The following ITGA11 variants were observed in gnomAD, a reference collection of about 807,000 sequenced individuals.
ITGA11 encodes integrin subunit alpha 11, also known as integrin alpha-11.
Under a neutral mutation model 141.9 loss-of-function variants are expected in ITGA11, and 97 were observed. The ratio of observed to expected loss-of-function variants is 0.68; its 90% CI spans 0.58 to 0.81. ITGA11 has a LOEUF of 0.81. ITGA11 is among the 30% of genes least tolerant of loss of function. The pLI is 0.00. For synonymous variants in ITGA11, 658 were observed against 624.6 expected, an observed-to-expected ratio of 1.05 and a Z score of -0.80; for missense variants, 1,387 against 1,559.2, an observed-to-expected ratio of 0.89 and a Z score of 1.86.
intron 2 of ITGA11, among the ~76,000 whole-genome samples, chr15:68,387,889 C>A (rs1896024688): frequency 6.6e-6 from 1 of 152,134 alleles, no homozygotes; most frequent in Non-Finnish European, 1.5e-5. Context: ...TTTCTCCTTC[C>A]TCCTCATACC....
Position 68,357,072 on chromosome 15 carries a change from T to G in ITGA11, c.749+79A>C. 5 of 1,293,156 alleles carry G rather than the reference T, an allele frequency of 3.9e-6. No individual in the cohort carries two copies. In the African/African-American group the frequency reaches 6.0e-5, roughly 15 times the overall value. 80.1% of individuals were successfully genotyped at this position (1,293,156 alleles called of 1,614,324 possible). On this transcript the variant is annotated intron_variant, in intron 7 of 29. Coordinates refer to ENST00000315757, the MANE Select transcript of ITGA11 (RefSeq NM_001004439.2). Reference sequence around the variant, plus strand: ...TGTCTCAAGGTACTAAATTTTGTGGTAGTGTGTTACAAGGCAATAGATAAC... The same window carrying G: ...TGTCTCAAGGTACTAAATTTTGTGGGAGTGTGTTACAAGGCAATAGATAAC...
chr15:68,349,225 A>G (rs1308852399), intron 9 of ITGA11, among the ~76,000 whole-genome samples: 2 of 152,240 alleles, frequency 1.3e-5, no homozygotes, highest in African/African-American at 2.4e-5. Context: ...GAGGGAAAGT[A>G]AGCAAAAGTG....
At chr15:68,419,794 C>A (rs1039031868) in intron 1 of ITGA11, among the ~76,000 whole-genome samples, 1 of 152,212 alleles carries the variant, frequency 6.6e-6, no homozygotes. Context: ...GACACTTGAC[C>A]TCTCAGAATT....
chr15:68,356,157 A>C (rs1895064008), intron 7 of ITGA11, among the ~76,000 whole-genome samples: 1 of 151,824 alleles, frequency 6.6e-6, no homozygotes. Context: ...GTGCAGTGGC[A>C]CCATCTTGGC....
chr15:68,331,097 T>C lies in ITGA11; in HGVS notation c.1785A>G (p.Ser595=), dbSNP rs998592608. 1 of 1,596,954 alleles carries C rather than the reference T, an allele frequency of 6.3e-7. No individual in the cohort carries two copies. Among genetic ancestry groups the C allele is most frequent in the Non-Finnish European group, 8.5e-7 (1 of 1,172,358 alleles). The change falls in exon 15 of 30, where the codon TCA becomes TCG. Residue 595 remains serine (S), a synonymous_variant. Coordinates refer to ENST00000315757, the MANE Select transcript of ITGA11 (RefSeq NM_001004439.2). ...AATACTGGAGGCCGGTAGCCAGCTC[T>C]GAGGCTGTGATTCTCTGCAGGGCGC... ...LKTPKQRITA[S]ELATGLQYFG...
At chr15:68,423,659 CTGTT>C (rs1271414388) in intron 1 of ITGA11, among the ~76,000 whole-genome samples, 10 of 152,148 alleles carry the variant, frequency 6.6e-5, no homozygotes, top group South Asian at 2.1e-4. Flanking sequence ...TAAGACAACT[CTGTT>C]TGTTTTTGAG....
Position 68,299,480 on chromosome 15 carries a change from G to A in ITGA11, c.*3579C>T, listed in dbSNP as rs1437930797. Reference sequence around the variant, plus strand: ...ATAAAAGGCTGGAACCACATTAGCCGAAGGTAAAAGCAAAGACTGGTGTGG... The same window carrying A: ...ATAAAAGGCTGGAACCACATTAGCCAAAGGTAAAAGCAAAGACTGGTGTGG... On this transcript the variant is annotated 3_prime_UTR_variant, in exon 30 of 30. Coordinates refer to ENST00000315757, the MANE Select transcript of ITGA11 (RefSeq NM_001004439.2). 2.0e-5 allele frequency: 3 copies of A among 151,626 alleles called. No homozygotes were observed. Among genetic ancestry groups the A allele is most frequent in the African/African-American group, 4.9e-5 (2 of 41,186 alleles). The allele number at this position is 151,626 out of a possible 1,614,324, so 9.4% of individuals were successfully genotyped here.
rs368360556 is a variant in ITGA11 at position 68,303,796 on chromosome 15, G to A, written c.3471C>T (p.Ala1157=). ...CCTTCCACAGTGCCAGGACCAGCAG[G>A]GCCAGCAGTAGGAGGCCCCCCAGGG... ...GSTLGGLLLL[A]LLVLALWKLG... is the part of the protein sequence containing the mutation. Residue 1157 remains alanine, a synonymous_variant, in exon 29 of 30, where the codon GCC becomes GCT. Transcript: ENST00000315757. The surrounding 1 kb of genome is among the most constrained non-coding windows in gnomAD (Gnocchi z 5.3). 6.8e-6 allele frequency: 11 copies of A among 1,612,298 alleles called. No individual in the cohort carries two copies. Among genetic ancestry groups the A allele is most frequent in the Non-Finnish European group, 9.3e-6 (11 of 1,178,840 alleles).
intron 1 of ITGA11, among the ~76,000 whole-genome samples, chr15:68,416,332 G>A (rs551472163): frequency 1.6e-4 from 24 of 152,310 alleles, no homozygotes; most frequent in African/African-American, 5.8e-4. Flanking sequence ...GAGAACAAAT[G>A]TCGGCTAGGG....
At chr15:68,410,597 C>A (rs1896751652) in intron 1 of ITGA11, among the ~76,000 whole-genome samples, 1 of 152,240 alleles carries the variant, frequency 6.6e-6, no homozygotes, top group Admixed American at 6.5e-5. Context: ...GTTTCGTATC[C>A]TCTGCATTGC....
chr15:68,359,957 G>T lies in ITGA11; in HGVS notation c.473-1372C>A, dbSNP rs147369473. 2.0e-4 allele frequency among the ~76,000 whole-genome samples: 30 copies of T among 152,342 alleles called. No homozygotes were observed. The East Asian group carries it at 5.6e-3, about 28-fold the overall frequency. On this transcript the variant is annotated intron_variant, in intron 5 of 29. Transcript: ENST00000315757. ...CCAGTAATTCTTGCATTTCGAAGAG[G>T]CACTATGTTGAAGTCAGTGCTGAGC...
In ITGA11 at chr15:68,326,831, G is replaced by A. The variant is rs1242346171; in HGVS notation, c.2069-35C>T. 6.4e-7 allele frequency: 1 copy of A among 1,556,544 alleles called. No individual in the cohort carries two copies. Among genetic ancestry groups the A allele is most frequent in the African/African-American group, 1.4e-5 (1 of 73,624 alleles). On this transcript the variant is annotated intron_variant, in intron 16 of 29. Coordinates refer to ENST00000315757, the MANE Select transcript of ITGA11 (RefSeq NM_001004439.2). This position sits in a 1 kb window ranked among gnomAD's most constrained non-coding sequence, Gnocchi z 6.8. The stretch of plus-strand genomic sequence containing the variant: ...GGGAGAGGGCAAGACCACAAAGGTG[G>A]AGCCACATGCCCATCCAAGACTGTC...
chr15:68,386,581 C>T (rs1234351461), intron 2 of ITGA11, among the ~76,000 whole-genome samples: 1 of 152,178 alleles, frequency 6.6e-6, no homozygotes, highest in Non-Finnish European at 1.5e-5. Flanking sequence ...CCAAGAGAAG[C>T]TTCTATTTCC....
At chr15:68,366,112 T>C (rs546402367) in intron 3 of ITGA11, among the ~76,000 whole-genome samples, 1 of 152,332 alleles carries the variant, frequency 6.6e-6, no homozygotes, top group Admixed American at 6.5e-5. Flanking sequence ...AAATCTGCCC[T>C]TCTTGGCTGT....
At chr15:68,426,209 A>G (rs2140443031) in intron 1 of ITGA11, among the ~76,000 whole-genome samples, 1 of 152,348 alleles carries the variant, frequency 6.6e-6, no homozygotes, top group East Asian at 1.9e-4. Flanking sequence ...GCCAGTTGAA[A>G]TGGAAATCCC....
Position 68,307,294 on chromosome 15 carries a change from C to G in ITGA11, c.3381+54G>C. ...ACTCTATAGAGGAGCACGGCCAACC[C>G]TTTCCCAAGCTGTCCGGCCTAAGCC... On this transcript the variant is annotated intron_variant, in intron 28 of 29. Transcript: ENST00000315757. The surrounding 1 kb of genome is among the most constrained non-coding windows in gnomAD (Gnocchi z 6.1). 1 of 1,327,780 alleles carries G rather than the reference C, an allele frequency of 7.5e-7. No homozygotes were observed. Among genetic ancestry groups the G allele is most frequent in the Non-Finnish European group, 1.1e-6 (1 of 946,748 alleles). 82.2% of individuals were successfully genotyped at this position (1,327,780 alleles called of 1,614,324 possible).
Position 68,297,129 on chromosome 15 carries a change from T to C in ITGA11, c.*5930A>G, listed in dbSNP as rs1892926116. 1.3e-5 allele frequency: 2 copies of C among 152,024 alleles called. No individual in the cohort carries two copies. Among genetic ancestry groups the C allele is most frequent in the Admixed American group, 1.3e-4 (2 of 15,244 alleles). 9.4% of individuals were successfully genotyped at this position (152,024 alleles called of 1,614,324 possible). A position where few individuals can be genotyped will look rare whatever the true frequency, so the allele number is the denominator to read the frequency against. On this transcript the variant is annotated 3_prime_UTR_variant, in exon 30 of 30. Coordinates refer to ENST00000315757, the MANE Select transcript of ITGA11 (RefSeq NM_001004439.2). ...TAATTCTTTTTATTTTGGTATTTTT[T>C]GTAGAGATGGGGTTTTGCCATGATG...
chr15:68,313,674 G>C (rs533273949), intron 23 of ITGA11, 105 bp downstream of exon 23: 2 of 811,212 alleles, frequency 2.5e-6, no homozygotes, highest in South Asian at 3.2e-5. Flanking sequence ...CCTTAGTGCT[G>C]GGGTCTGGCC....
chr15:68,376,417 A>G (rs181927174), intron 2 of ITGA11, among the ~76,000 whole-genome samples: 1 of 152,170 alleles, frequency 6.6e-6, no homozygotes, highest in Admixed American at 6.5e-5. Flanking sequence ...TCTTTGAATA[A>G]CTTTTCATTG....
Sources: gnomAD v4.1 joint callset for allele counts (sites outside exome capture counted in the v4.1 genomes callset) on GRCh38, gnomAD v4.1.1 for gene constraint, Gnocchi (gnomAD v3.1) non-coding constraint, MANE v1.5 for transcripts, NCBI Gene and HGNC (gene_info 2026-07-23, HGNC 2026-07-21) for gene names.